Variants in CNTNAP2 observed in about 807,000 individuals in gnomAD.
The protein encoded by CNTNAP2 is contactin-associated protein-like 2.
In CNTNAP2, 98 loss-of-function variants were observed where a neutral mutation model predicts 155.2. The ratio of observed to expected loss-of-function variants is 0.63; its 90% CI spans 0.54 to 0.75. The LOEUF (loss-of-function observed/expected upper bound fraction) is 0.75, where lower values mean the gene tolerates loss of function less well. Ranked by LOEUF, CNTNAP2 falls within the 30% of genes least tolerant of loss-of-function variation. CNTNAP2 has a pLI of 0.00. For missense variants in CNTNAP2, 1,727 were observed against 1,688.1 expected, an observed-to-expected ratio of 1.02 and a Z score of -0.40; for synonymous variants, 651 against 631.2, an observed-to-expected ratio of 1.03 and a Z score of -0.47.
At chr7:146,559,238 A>C (rs1245733448) in intron 1 of CNTNAP2, among the ~76,000 whole-genome samples, 1 of 152,024 alleles carries the variant, frequency 6.6e-6, no homozygotes, top group Non-Finnish European at 1.5e-5. Context: ...TATATATCAC[A>C]TTGTACCCCA....
intron 10 of CNTNAP2, among the ~76,000 whole-genome samples, chr7:147,428,469 C>T (rs762621010): frequency 2.6e-5 from 4 of 152,104 alleles, no homozygotes; most frequent in African/African-American, 4.8e-5. Context: ...ATACAATTAG[C>T]GTTACATAAA....
chr7:146,976,306 T>G (rs10245776), intron 3 of CNTNAP2, among the ~76,000 whole-genome samples: 1 of 151,852 alleles, frequency 6.6e-6, no homozygotes, highest in Non-Finnish European at 1.5e-5. Flanking sequence ...TCCAGCCCAG[T>G]TGCATTCTGA....
At chr7:146,224,734 A>T (rs1044596525) in intron 1 of CNTNAP2, among the ~76,000 whole-genome samples, 1 of 152,164 alleles carries the variant, frequency 6.6e-6, no homozygotes, top group Non-Finnish European at 1.5e-5. Flanking sequence ...GCGCCACTGC[A>T]CTCCAGCCTG....
At chr7:148,136,021 G>GAGGA (rs1804938522) in intron 16 of CNTNAP2, among the ~76,000 whole-genome samples, 1 of 12,632 alleles carries the variant, frequency 7.9e-5, no homozygotes, top group Admixed American at 1.3e-3. Context: ...GGAAGGAAGG[G>GAGGA]AGGGAGGGAG....
At chr7:146,399,349 G>C (rs905077609) in intron 1 of CNTNAP2, among the ~76,000 whole-genome samples, 13 of 151,958 alleles carry the variant, frequency 8.6e-5, no homozygotes, top group Admixed American at 3.9e-4. Flanking sequence ...CCAGTCTCTG[G>C]TATGCAGCAT....
intron 12 of CNTNAP2, among the ~76,000 whole-genome samples, chr7:147,564,480 C>G (rs1178292574): frequency 6.6e-6 from 1 of 152,042 alleles, no homozygotes; most frequent in Non-Finnish European, 1.5e-5. Context: ...CTGGTTTCTC[C>G]TAATATATGA....
intron 10 of CNTNAP2, among the ~76,000 whole-genome samples, chr7:147,473,088 T>C (rs1798255442): frequency 6.6e-6 from 1 of 152,144 alleles, no homozygotes; most frequent in Admixed American, 6.5e-5. Context: ...AATACGTTCA[T>C]AGACTGAGAA....
In CNTNAP2 at chr7:148,114,399, G is replaced by T. The variant is rs933640708; in HGVS notation, c.2384-3719G>T. Reference sequence around the variant, plus strand: ...AATGGATATAAATGAGAGGGGCAATGAGTTACTTATGTATTGATTGAATAA... The same window carrying T: ...AATGGATATAAATGAGAGGGGCAATTAGTTACTTATGTATTGATTGAATAA... On this transcript the variant is annotated intron_variant, in intron 15 of 23. Coordinates refer to ENST00000361727, the MANE Select transcript of CNTNAP2 (RefSeq NM_014141.6). Among the ~76,000 whole-genome samples the T allele has an allele frequency of 2.7e-4, 41 of 152,298 alleles. 1 individual carries two copies. Among genetic ancestry groups the T allele is most frequent in the East Asian group, 1.2e-3 (6 of 5,182 alleles).
intron 18 of CNTNAP2, among the ~76,000 whole-genome samples, chr7:148,174,422 C>CG (rs930383078): frequency 3.3e-5 from 5 of 151,976 alleles, no homozygotes; most frequent in African/African-American, 4.8e-5. Context: ...CTGTGACCGC[C>CG]CCCCACCTCA....
chr7:146,348,464 A>T (rs1794850133), intron 1 of CNTNAP2, among the ~76,000 whole-genome samples: 1 of 152,154 alleles, frequency 6.6e-6, no homozygotes, highest in South Asian at 2.1e-4. Flanking sequence ...CATGGATTAA[A>T]GCAAAATTTC....
Position 147,629,515 on chromosome 7 carries a change from TG to T in CNTNAP2, c.1898-9590del, listed in dbSNP as rs1795046899. 2.6e-5 allele frequency among the ~76,000 whole-genome samples: 4 copies of T among 151,702 alleles called. No individual in the cohort carries two copies. The Middle Eastern group carries it at 0.01, about 398-fold the overall frequency. Reference sequence around the variant, plus strand: ...GTTACAGAACGTTCTACTCAACAACTGCAGGATATACATTACTTTCTTCAAC... The same window carrying T: ...GTTACAGAACGTTCTACTCAACAACTCAGGATATACATTACTTTCTTCAAC... On this transcript the variant is annotated intron_variant, in intron 12 of 23. Transcript: ENST00000361727.
chr7:146,210,407 G>A (rs891955687), intron 1 of CNTNAP2, among the ~76,000 whole-genome samples: 1 of 152,118 alleles, frequency 6.6e-6, no homozygotes, highest in African/African-American at 2.4e-5. Flanking sequence ...GGGTTCAAGT[G>A]ATTCTCCTGC....
chr7:148,056,214 C>T (rs1262735384), intron 15 of CNTNAP2, among the ~76,000 whole-genome samples: 1 of 152,132 alleles, frequency 6.6e-6, no homozygotes, highest in Non-Finnish European at 1.5e-5. Context: ...TTCTTCTGCC[C>T]TTCCATTTGC....
At chr7:147,519,843 C>A (rs767437282) in intron 11 of CNTNAP2, among the ~76,000 whole-genome samples, 28 of 152,146 alleles carry the variant, frequency 1.8e-4, no homozygotes, top group Non-Finnish European at 3.8e-4. Context: ...CCAACCTGGG[C>A]AACAGAGTGA....
intron 15 of CNTNAP2, among the ~76,000 whole-genome samples, chr7:148,000,469 T>C (rs1801876459): frequency 6.6e-6 from 1 of 152,194 alleles, no homozygotes; most frequent in Non-Finnish European, 1.5e-5. Context: ...CTCGCAAGTA[T>C]ATAGTCCATG....
chr7:148,047,507 G>A (rs759926852), intron 15 of CNTNAP2, among the ~76,000 whole-genome samples: 11 of 152,012 alleles, frequency 7.2e-5, no homozygotes, highest in South Asian at 4.1e-4. Flanking sequence ...TCAACACTGC[G>A]CTTGGGGGCC....
At chr7:146,471,359 C>T (rs1796795243) in intron 1 of CNTNAP2, among the ~76,000 whole-genome samples, 1 of 152,204 alleles carries the variant, frequency 6.6e-6, no homozygotes, top group African/African-American at 2.4e-5. Context: ...TCCTTATTAG[C>T]TTGTATGAGC....
chr7:147,557,227 G>A (rs1157146027), intron 11 of CNTNAP2, among the ~76,000 whole-genome samples: 1 of 151,704 alleles, frequency 6.6e-6, no homozygotes. Flanking sequence ...TTGCACCACT[G>A]CACTCCAGCC....
At chr7:146,236,994 A>G (rs2116922276) in intron 1 of CNTNAP2, among the ~76,000 whole-genome samples, 1 of 152,276 alleles carries the variant, frequency 6.6e-6, no homozygotes, top group East Asian at 1.9e-4. Flanking sequence ...TGTATTTTAG[A>G]CTATTAAGCT....
Sources: gnomAD v4.1 joint callset for allele counts (sites outside exome capture counted in the v4.1 genomes callset) on GRCh38, gnomAD v4.1.1 for gene constraint, MANE v1.5 for transcripts, NCBI Gene and HGNC (gene_info 2026-07-23, HGNC 2026-07-21) for gene names.